The following PODNL1 variants were observed in gnomAD, a reference collection of about 807,000 sequenced individuals.
The protein encoded by PODNL1 is podocan-like protein 1.
Under a neutral mutation model 45.1 loss-of-function variants are expected in PODNL1, and 50 were observed. The observed-to-expected ratio is 1.11, with a 90% CI of 0.88 to 1.40. The LOEUF (loss-of-function observed/expected upper bound fraction) is 1.40, where lower values mean the gene tolerates loss of function less well. Among genes scored for constraint, PODNL1 ranks in the 40% most tolerant of loss-of-function variants. The pLI, the probability that PODNL1 is intolerant of heterozygous loss-of-function variation, is 0.00. For synonymous variants in PODNL1, 406 were observed against 372.5 expected, an observed-to-expected ratio of 1.09 and a Z score of -1.04; for missense variants, 788 against 793.3, an observed-to-expected ratio of 0.99 and a Z score of 0.08.
chr19:13,948,512 G>C (rs1462127722), intron 1 of PODNL1, among the ~76,000 whole-genome samples: 1 of 150,076 alleles, frequency 6.7e-6, no homozygotes, highest in Admixed American at 6.7e-5. Context: ...ATGCCCGGCC[G>C]TATTCTCCAT....
chr19:13,940,447 T>C (rs1972618419), upstream of PODNL1, among the ~76,000 whole-genome samples: 1 of 150,770 alleles, frequency 6.6e-6, no homozygotes, highest in African/African-American at 2.4e-5. Flanking sequence ...GGTGCGCGCC[T>C]GTAGTCCCAG....
chr19:13,952,934 C>A, intron 1 of PODNL1: 1 of 875,278 alleles, frequency 1.1e-6, no homozygotes, highest in Non-Finnish European at 1.7e-6. Flanking sequence ...ACCCCAGAGG[C>A]CGCAGGGAGA....
At chr19:13,947,336 C>T (rs552797873) in intron 1 of PODNL1, among the ~76,000 whole-genome samples, 1 of 151,882 alleles carries the variant, frequency 6.6e-6, no homozygotes, top group South Asian at 2.1e-4. Flanking sequence ...CAAAAATTAG[C>T]TGGGCCTGGT....
chr19:13,947,130 C>A (rs1475663424), intron 1 of PODNL1, among the ~76,000 whole-genome samples: 6 of 138,168 alleles, frequency 4.3e-5, no homozygotes, highest in African/African-American at 1.7e-4. Context: ...GATTGCACCA[C>A]TGCACTCTAG....
rs754137982 is a variant in PODNL1, at chr19:13,935,784, TC to T, written c.430del (p.Asp144IlefsTer7). 1 of 1,598,464 alleles carries T rather than the reference TC, an allele frequency of 6.3e-7. No individual in the cohort carries two copies. Among genetic ancestry groups the T allele is most frequent in the Non-Finnish European group, 8.5e-7 (1 of 1,175,484 alleles). ...QFLPRSLRVA[D>X]LAANQVMEIF... The stretch of plus-strand genomic sequence containing the variant: ...CTCCATCACTTGGTTGGCAGCCAGA[TC>T]CGCGACACGGAGGGACCGGGGCAGA... On this transcript the variant is annotated frameshift_variant, in exon 5 of 10. Transcript: ENST00000588872. LOFTEE classifies it high-confidence loss of function.
chr19:13,932,698 G>A, intron 8 of PODNL1, 100 bp downstream of exon 8: 1 of 1,601,238 alleles, frequency 6.2e-7, no homozygotes, highest in Non-Finnish European at 8.5e-7. Flanking sequence ...TTCTTGTTCT[G>A]ATTGCTTTAC....
intron 1 of PODNL1, among the ~76,000 whole-genome samples, chr19:13,945,478 G>T (rs948758745): frequency 2.0e-5 from 3 of 151,720 alleles, no homozygotes; most frequent in African/African-American, 7.3e-5. Context: ...AACAAAGTGA[G>T]ACCCTGTCTC....
At chr19:13,951,324 T>C (rs1404238120) in intron 1 of PODNL1, among the ~76,000 whole-genome samples, 1 of 151,762 alleles carries the variant, frequency 6.6e-6, no homozygotes, top group East Asian at 1.9e-4. Context: ...AAAAACTATC[T>C]TCTAGATTGT....
chr19:13,934,466 T>TCCC, intron 5 of PODNL1, 56 bp from the exon 6 acceptor site: 1 of 1,440,592 alleles, frequency 6.9e-7, no homozygotes, highest in Non-Finnish European at 9.1e-7. Context: ...ACCACCCCAC[T>TCCC]CCCGCACCAC....
At chr19:13,943,610 T>C (rs1319065882) in intron 1 of PODNL1, among the ~76,000 whole-genome samples, 1 of 152,084 alleles carries the variant, frequency 6.6e-6, no homozygotes. Flanking sequence ...TAAAGGTGCA[T>C]GCCACCACGC....
At chr19:13,934,715 AGAGT>A (rs1201987589) in intron 5 of PODNL1, among the ~76,000 whole-genome samples, 1 of 150,280 alleles carries the variant, frequency 6.7e-6, no homozygotes, top group Admixed American at 6.6e-5. Flanking sequence ...TGTGATTGTA[AGAGT>A]GTGTGGGCGT....
chr19:13,951,049 CAAAAAAAAAA>C (rs59269074), intron 1 of PODNL1, among the ~76,000 whole-genome samples: 1 of 66,674 alleles, frequency 1.5e-5, no homozygotes, highest in Non-Finnish European at 2.8e-5. Flanking sequence ...AACTCCATCT[CAAAAAAAAAA>C]AAAAAAAAAA....
upstream of PODNL1, chr19:13,938,458 T>G: frequency 7.9e-7 from 1 of 1,267,506 alleles, no homozygotes; most frequent in South Asian, 3.0e-5. Flanking sequence ...ATCTCTGCTT[T>G]CGTAACCTCA....
chr19:13,936,319 C>T lies in PODNL1; in HGVS notation c.319+48G>A, dbSNP rs371610747. ...GGGAGGGGGATGGCAGCTGAGACCT[C>T]GGTCAGTCCTACAGCCCCAGAGAGG... On this transcript the variant is annotated intron_variant, in intron 3 of 9. Transcript: ENST00000588872. 18 of 1,526,204 alleles carry T rather than the reference C, an allele frequency of 1.2e-5. No homozygotes were observed. In the Admixed American group the frequency reaches 2.5e-4, roughly 21 times the overall value. The allele number at this position is 1,526,204 out of a possible 1,614,324, so 94.5% of individuals were successfully genotyped here.
At chr19:13,941,347 C>T (rs1271616227), upstream of PODNL1, among the ~76,000 whole-genome samples, 1 of 130,358 alleles carries the variant, frequency 7.7e-6, no homozygotes, top group African/African-American at 3.0e-5. Context: ...GGCTGGGTAA[C>T]AGTGAGACTC....
chr19:13,942,544 C>T (rs550632727), upstream of PODNL1, among the ~76,000 whole-genome samples: 1 of 152,316 alleles, frequency 6.6e-6, no homozygotes, highest in African/African-American at 2.4e-5. Flanking sequence ...ACTGTCCTGT[C>T]CAGTCCTGCC....
At chr19:13,943,897 C>T (rs1480977517) in intron 1 of PODNL1, among the ~76,000 whole-genome samples, 1 of 152,066 alleles carries the variant, frequency 6.6e-6, no homozygotes, top group South Asian at 2.1e-4. Context: ...GTCACATTCA[C>T]GGCATCGGGG....
Position 13,938,298 on chromosome 19 carries a change from C to G in PODNL1, c.-117G>C. On this transcript the variant is annotated 5_prime_UTR_variant, in exon 1 of 10. Transcript: ENST00000588872. Reference sequence around the variant, plus strand: ...CCACCACCGCCCCCCATCTCCAGACCCATGCCACCCCCCACAACAGCCTGT... The same window carrying G: ...CCACCACCGCCCCCCATCTCCAGACGCATGCCACCCCCCACAACAGCCTGT... 6.8e-7 allele frequency: 1 copy of G among 1,470,108 alleles called. No homozygotes were observed. The highest frequency in any genetic ancestry group is 9.0e-7 in the Non-Finnish European group (1 of 1,106,642). 91.1% of individuals were successfully genotyped at this position (1,470,108 alleles called of 1,614,324 possible).
rs199509128 is a variant in PODNL1, at chr19:13,933,332, C to G, written c.891G>C (p.Ala297=). 6.2e-7 allele frequency: 1 copy of G among 1,603,450 alleles called. No homozygotes were observed. Among genetic ancestry groups the G allele is most frequent in the Non-Finnish European group, 8.5e-7 (1 of 1,178,170 alleles). The change falls in exon 8 of 10, where the codon GCG becomes GCC. Residue 297 remains alanine, a synonymous_variant. Transcript: ENST00000588872. The surrounding 1 kb of genome is among the most constrained non-coding windows in gnomAD (Gnocchi z 5.2). ...LGRNRIRQVE[A]ARLHGARGLR... Reference sequence around the variant, plus strand: ...GACCACGCGCCCCGTGCAGCCGAGCCGCCTCCACCTGCCGGATGCGGTTGC... The same window carrying G: ...GACCACGCGCCCCGTGCAGCCGAGCGGCCTCCACCTGCCGGATGCGGTTGC...
Sources: allele counts gnomAD v4.1 joint callset (sites outside exome capture counted in the v4.1 genomes callset), GRCh38; gene constraint gnomAD v4.1.1; non-coding constraint Gnocchi (gnomAD v3.1); transcripts MANE v1.5; gene names NCBI Gene and HGNC (gene_info 2026-07-23, HGNC 2026-07-21).